The following ZNF43 variants were observed in gnomAD, a reference collection of about 807,000 sequenced individuals.
ZNF43 encodes the protein zinc finger protein 39-like 1 (KOX 27).
In ZNF43, 44 loss-of-function variants were observed where a neutral mutation model predicts 68.4. The observed-to-expected ratio is 0.64, with a 90% CI of 0.51 to 0.83. The LOEUF (loss-of-function observed/expected upper bound fraction) is 0.83, where lower values mean the gene tolerates loss of function less well. ZNF43 is among the 40% of genes least tolerant of loss of function. The pLI is 0.00. For synonymous variants in ZNF43, 308 were observed against 307.8 expected (o/e 1.00, Z -0.01); for missense variants, 896 against 933.2 (o/e 0.96, Z 0.52).
At chr19:21,813,398 GC>G (rs749201288) in intron 3 of ZNF43, among the ~76,000 whole-genome samples, 6 of 151,956 alleles carry the variant, frequency 3.9e-5, no homozygotes, top group Non-Finnish European at 8.8e-5. Context: ...ATGCACAAAA[GC>G]CAAAAGGCTG....
rs1026679696 is a variant in ZNF43 at position 21,835,916 on chromosome 19, G to A, written c.3+120C>T. ...GCAGCCGCCATCTTATGGCTGAAGG[G>A]GATTGAGGCCGAGCTGGGCAAGAAC... On this transcript the variant is annotated intron_variant, in intron 1 of 3. Coordinates refer to ENST00000354959, the MANE Select transcript of ZNF43 (RefSeq NM_003423.4). 3.9e-6 allele frequency: 6 copies of A among 1,540,436 alleles called. No individual in the cohort carries two copies. In the African/African-American group the frequency reaches 4.1e-5, roughly 11 times the overall value.
intron 3 of ZNF43, chr19:21,812,150 G>A (rs770634060): frequency 3.7e-5 from 14 of 373,624 alleles, no homozygotes; most frequent in Middle Eastern, 6.7e-4. Flanking sequence ...TTTTTGAGAC[G>A]GAGTCTCACT....
In ZNF43 at chr19:21,817,986, C is replaced by A. The variant is rs772075140; in HGVS notation, c.131G>T (p.Gly44Val). 1.5e-5 allele frequency: 24 copies of A among 1,610,894 alleles called. No homozygotes were observed. The Middle Eastern group carries it at 6.6e-4, about 44-fold the overall frequency. Residue 44 changes from glycine (G) to valine (V), a missense_variant and splice_region_variant, in exon 3 of 4, where the codon GGT becomes GTT. Gly to Val is a moderately radical substitution (Grantham distance 109, BLOSUM62 -3). Coordinates refer to ENST00000354959, the MANE Select transcript of ZNF43 (RefSeq NM_003423.4). ...CAGGTCTGGCTTAGAGACAGCAATA[C>A]CTGTTTCAATAAAAAATAAATTACG... is the stretch of plus-strand genomic sequence containing the variant. The part of the protein sequence containing the change: ...LENYRNLVFL[G>V]IAVSKPDLIT...
Position 21,809,541 on chromosome 19 carries a change from T to C in ZNF43, c.496A>G (p.Ile166Val). 14 of 1,612,422 alleles carry C rather than the reference T, an allele frequency of 8.7e-6. No homozygotes were observed. The highest frequency in any genetic ancestry group is 1.2e-5 in the Non-Finnish European group (14 of 1,179,448). Reference protein sequence around the residue: ...HKFSNSNRHKISHTEKKLFKC... With the variant: ...HKFSNSNRHKVSHTEKKLFKC... ...AAAAGTTTTTTTTCAGTATGGCTTA[T>C]CTTATGTCTGTTTGAATTTGAAAAT... Residue 166 changes from isoleucine to valine, a missense_variant, in exon 4 of 4, where the codon ATA becomes GTA. Ile to Val is a conservative substitution (Grantham distance 29, BLOSUM62 3). Transcript: ENST00000354959.
At position 21,807,672 on chromosome 19, in the gene ZNF43, G is replaced by A; in HGVS notation, c.2365C>T (p.Leu789Phe). ...ACTGTCACATCTTCAGGTTTGTAGA[G>A]TTTCTCTCCAGTATGAATTTTGTTA... Reference protein sequence around the residue: ...THNKIHTGEKLYKPEDVTVIL... With the variant: ...THNKIHTGEKFYKPEDVTVIL... Residue 789 changes from leucine to phenylalanine, a missense_variant, in exon 4 of 4, where the codon CTC (leucine) becomes TTC (phenylalanine). By Grantham distance (22) the Leu-to-Phe change is conservative. Coordinates refer to ENST00000354959, the MANE Select transcript of ZNF43 (RefSeq NM_003423.4). 6.2e-7 allele frequency: 1 copy of A among 1,603,366 alleles called. No individual in the cohort carries two copies. The highest frequency in any genetic ancestry group is 1.7e-5 in the Admixed American group (1 of 58,338).
chr19:21,829,064 A>AAAAAAAAT (rs2038294097), intron 1 of ZNF43, among the ~76,000 whole-genome samples: 3 of 138,852 alleles, frequency 2.2e-5, no homozygotes, highest in African/African-American at 8.2e-5. Flanking sequence ...AAAAAAAAAA[A>AAAAAAAAT]ATTAGCCGGA....
chr19:21,850,582 A>G (rs1968281390), intron 1 of ZNF43, among the ~76,000 whole-genome samples: 3 of 152,188 alleles, frequency 2.0e-5, no homozygotes, highest in Admixed American at 2.0e-4. Flanking sequence ...AAAGAAAAAG[A>G]AAGGGCCTGG....
intron 1 of ZNF43, chr19:21,841,207 T>G (rs912845585): frequency 3.3e-5 from 5 of 152,282 alleles, no homozygotes; most frequent in African/African-American, 7.2e-5. Flanking sequence ...TGGACTGGTT[T>G]GTGGTATGAG....
chr19:21,818,658 TA>T (rs1185732795), intron 2 of ZNF43, among the ~76,000 whole-genome samples: 1 of 151,984 alleles, frequency 6.6e-6, no homozygotes, highest in Non-Finnish European at 1.5e-5. Context: ...TGACCTCAGG[TA>T]TCTGCCTGCC....
intron 1 of ZNF43, among the ~76,000 whole-genome samples, chr19:21,841,854 C>T (rs1468512524): frequency 1.3e-5 from 2 of 152,186 alleles, no homozygotes; most frequent in Non-Finnish European, 2.9e-5. Flanking sequence ...AAGAGAGTCC[C>T]ATCACCTAGG....
chr19:21,840,364 T>C (rs964244770), upstream of ZNF43: 1 of 152,498 alleles, frequency 6.6e-6, no homozygotes, highest in Non-Finnish European at 1.5e-5. Flanking sequence ...CACAAAAAAA[T>C]GTAGGAATGA....
chr19:21,825,030 G>A (rs2038046586), intron 1 of ZNF43, among the ~76,000 whole-genome samples: 1 of 152,156 alleles, frequency 6.6e-6, no homozygotes, highest in Non-Finnish European at 1.5e-5. Context: ...GAGGACAGGA[G>A]TTTGAGACCA....
upstream of ZNF43, among the ~76,000 whole-genome samples, chr19:21,836,964 A>G (rs1967146098): frequency 6.6e-6 from 1 of 152,208 alleles, no homozygotes; most frequent in Non-Finnish European, 1.5e-5. Context: ...TGTTATGCAC[A>G]TGTTTTAAAA....
chr19:21,850,664 G>A (rs1319408911), intron 1 of ZNF43, among the ~76,000 whole-genome samples: 1 of 152,132 alleles, frequency 6.6e-6, no homozygotes, highest in Non-Finnish European at 1.5e-5. Flanking sequence ...CAGGGACTAA[G>A]GAAAAAAGGA....
rs574308170 is a variant in ZNF43 at position 21,832,882 on chromosome 19, A to G, written c.3+3154T>C. ...CCATGTCAATTGAAAAAAAAAAATTATGTGGTAAACAATTAGTCATATGAA... is the reference window on the plus strand; with the variant it reads ...CCATGTCAATTGAAAAAAAAAAATTGTGTGGTAAACAATTAGTCATATGAA... On this transcript the variant is annotated intron_variant, in intron 1 of 3. Coordinates refer to ENST00000354959, the MANE Select transcript of ZNF43 (RefSeq NM_003423.4). 9.8e-4 allele frequency among the ~76,000 whole-genome samples: 149 copies of G among 152,208 alleles called. 1 individual carries two copies. The highest frequency in any genetic ancestry group is 1.3e-3 in the Non-Finnish European group (88 of 68,006).
rs778128366 is a variant in ZNF43 at position 21,808,345 on chromosome 19, T to C, written c.1692A>G (p.Lys564=). ...TGCCACATTCTTCACACTTGTAGGG[T>C]TTCTCTCCAGTATGAATCCTCTTAT... is the stretch of plus-strand genomic sequence containing the variant. ...TKHKRIHTGE[K]PYKCEECGKA... Residue 564 remains lysine, a synonymous_variant, in exon 4 of 4, where the codon AAA becomes AAG. Transcript: ENST00000354959. 1.9e-6 allele frequency: 3 copies of C among 1,612,944 alleles called. No homozygotes were observed. The highest frequency in any genetic ancestry group is 2.2e-5 in the South Asian group (2 of 91,014).
chr19:21,838,168 T>C (rs1053539850), upstream of ZNF43: 2 of 152,204 alleles, frequency 1.3e-5, no homozygotes, highest in African/African-American at 4.8e-5. Context: ...AAAGAAAGTA[T>C]GTAGCTTTTT....
intron 1 of ZNF43, among the ~76,000 whole-genome samples, chr19:21,819,690 T>G (rs1196237490): frequency 6.6e-6 from 1 of 152,214 alleles, no homozygotes; most frequent in African/African-American, 2.4e-5. Flanking sequence ...TCTAACAAGC[T>G]TACCAGTAAT....
chr19:21,824,226 T>C (rs994891954), intron 1 of ZNF43, among the ~76,000 whole-genome samples: 2 of 152,088 alleles, frequency 1.3e-5, no homozygotes, highest in African/African-American at 4.8e-5. Context: ...CTCCAGAACC[T>C]GCATCACCTG....
Sources: gnomAD v4.1 joint callset for allele counts (sites outside exome capture counted in the v4.1 genomes callset) on GRCh38, gnomAD v4.1.1 for gene constraint, MANE v1.5 for transcripts, NCBI Gene and HGNC (gene_info 2026-07-23, HGNC 2026-07-21) for gene names.